Variants in PTPN5 observed in about 807,000 individuals in gnomAD.
The protein encoded by PTPN5 is tyrosine-protein phosphatase non-receptor type 5.
PTPN5 carries 29 observed loss-of-function variants against 73.9 expected under a neutral mutation model. The ratio of observed to expected loss-of-function variants is 0.39; its 90% confidence interval spans 0.29 to 0.54. PTPN5 has a LOEUF of 0.54. Ranked by LOEUF, PTPN5 falls within the 20% of genes least tolerant of loss-of-function variation. The probability of loss-of-function intolerance (pLI) is 0.65; values close to 1 mark genes in which losing one functional copy is unlikely to be tolerated. For synonymous variants in PTPN5, 267 were observed against 304.7 expected (o/e 0.88, Z 1.29); for missense variants, 652 against 751.4 (o/e 0.87, Z 1.55).
intron 1 of PTPN5, among the ~76,000 whole-genome samples, chr11:18,779,521 G>A (rs899675432): frequency 1.3e-5 from 2 of 152,064 alleles, no homozygotes; most frequent in Admixed American, 6.6e-5. Context: ...AGCTCTTTGA[G>A]ACAACCCCAT....
At chr11:18,737,816 G>T in intron 9 of PTPN5, 64 bp downstream of exon 9, 1 of 1,423,898 alleles carries the variant, frequency 7.0e-7, no homozygotes, top group Non-Finnish European at 9.9e-7. Context: ...GTCCTCCTCA[G>T]GGTGAGGGGA....
chr11:18,782,086 A>G (rs1050286229), intron 1 of PTPN5, among the ~76,000 whole-genome samples: 1 of 152,204 alleles, frequency 6.6e-6, no homozygotes, highest in Non-Finnish European at 1.5e-5. Context: ...TCAGCCTAAG[A>G]CACACTAACT....
intron 3 of PTPN5, among the ~76,000 whole-genome samples, chr11:18,762,878 C>T (rs1168381557): frequency 1.3e-5 from 2 of 152,198 alleles, no homozygotes; most frequent in African/African-American, 4.8e-5. Context: ...AGTCCCTGTT[C>T]TTGACTAGCA....
At chr11:18,777,978 GA>G (rs1851242068) in intron 1 of PTPN5, among the ~76,000 whole-genome samples, 1 of 40,388 alleles carries the variant, frequency 2.5e-5, no homozygotes, top group East Asian at 2.0e-3. Flanking sequence ...AAGGAAGGAA[GA>G]AAGAAAGAAA....
At chr11:18,772,660 C>G (rs1427812852) in intron 1 of PTPN5, among the ~76,000 whole-genome samples, 1 of 152,204 alleles carries the variant, frequency 6.6e-6, no homozygotes, top group East Asian at 1.9e-4. Flanking sequence ...GTAGGCCCAG[C>G]CTGCTGAGGG....
chr11:18,784,004 T>C (rs1414782281), intron 1 of PTPN5, among the ~76,000 whole-genome samples: 1 of 152,142 alleles, frequency 6.6e-6, no homozygotes, highest in Non-Finnish European at 1.5e-5. Context: ...CCAAACAACA[T>C]TTAGTTTTTA....
intron 3 of PTPN5, among the ~76,000 whole-genome samples, chr11:18,759,096 C>T (rs557106326): frequency 9.8e-5 from 15 of 152,316 alleles, no homozygotes; most frequent in African/African-American, 3.4e-4. Context: ...CACTACCCCA[C>T]TCCACTGCTG....
At chr11:18,776,257 T>C (rs1487995798) in intron 1 of PTPN5, among the ~76,000 whole-genome samples, 1 of 152,188 alleles carries the variant, frequency 6.6e-6, no homozygotes, top group African/African-American at 2.4e-5. Flanking sequence ...CTACCTATAA[T>C]GCTTTAGGAT....
chr11:18,777,594 C>G (rs1235666974), intron 1 of PTPN5, among the ~76,000 whole-genome samples: 2 of 152,148 alleles, frequency 1.3e-5, no homozygotes. Flanking sequence ...TGGACCTGAA[C>G]TGCTGTATCA....
intron 12 of PTPN5, among the ~76,000 whole-genome samples, chr11:18,731,734 T>C (rs190826676): frequency 1.8e-3 from 281 of 152,288 alleles, no homozygotes; most frequent in African/African-American, 6.2e-3. Flanking sequence ...ACACCCTACC[T>C]GGCCCCTATT....
intron 1 of PTPN5, among the ~76,000 whole-genome samples, chr11:18,781,121 A>G (rs902195188): frequency 1.3e-5 from 2 of 151,876 alleles, no homozygotes; most frequent in African/African-American, 4.8e-5. Context: ...GCCTTCTGAG[A>G]TTGACTCTGA....
chr11:18,778,331 C>T (rs1851266317), intron 1 of PTPN5, among the ~76,000 whole-genome samples: 1 of 152,346 alleles, frequency 6.6e-6, no homozygotes, highest in Middle Eastern at 3.4e-3. Flanking sequence ...GGCTTGGACA[C>T]TGACCCAACC....
In PTPN5 at chr11:18,791,647, G is replaced by C. The variant is rs955526368; in HGVS notation, c.-236C>G. 1.3e-5 allele frequency: 2 copies of C among 152,044 alleles called. No individual in the cohort carries two copies. Among genetic ancestry groups the C allele is most frequent in the African/African-American group, 4.8e-5 (2 of 41,350 alleles). 9.4% of individuals were successfully genotyped at this position (152,044 alleles called of 1,614,324 possible). On this transcript the variant is annotated 5_prime_UTR_variant, in exon 1 of 15. Transcript: ENST00000358540. ...GTCTGTGCCAGTGTGTATGCGACGG[G>C]GGCCGCGCCGAGCTCTGTGCGTCTG...
intron 12 of PTPN5, among the ~76,000 whole-genome samples, chr11:18,731,178 ATATATTATATATT>A (rs1282836220): frequency 8.1e-5 from 12 of 147,580 alleles, no homozygotes; most frequent in African/African-American, 1.5e-4. Flanking sequence ...TATATATTTT[ATATATTATATATT>A]TATATTATAT....
intron 1 of PTPN5, among the ~76,000 whole-genome samples, chr11:18,775,555 T>C (rs1851108279): frequency 6.6e-6 from 1 of 152,118 alleles, no homozygotes; most frequent in Non-Finnish European, 1.5e-5. Context: ...AAGCAGGCCT[T>C]GGGAGGCTAG....
intron 8 of PTPN5, 158 bp downstream of exon 8, chr11:18,740,445 G>A: frequency 1.8e-6 from 1 of 562,924 alleles, no homozygotes; most frequent in African/African-American, 1.9e-5. Flanking sequence ...GAAGCTCAGA[G>A]GGAAAGCAGC....
In PTPN5 at chr11:18,729,007, C is replaced by T; in HGVS notation, c.1625G>A (p.Cys542Tyr). 1 of 1,613,902 alleles carries T rather than the reference C, an allele frequency of 6.2e-7. No homozygotes were observed. The highest frequency in any genetic ancestry group is 1.1e-5 in the South Asian group (1 of 91,076). The change falls in exon 15 of 15, where the codon TGC becomes TAC. Residue 542 changes from cysteine (C) to tyrosine (Y), a missense_variant. Cys to Tyr is a radical substitution (Grantham distance 194, BLOSUM62 -2). Around this residue, in one of 3 missense-constraint regions of PTPN5, gnomAD observed 102 missense variants for 160.5 expected, o/e 0.64. Transcript: ENST00000358540. The surrounding 1 kb of genome is among the most constrained non-coding windows in gnomAD (Gnocchi z 5.2). ...GTGGTGCACAAACTGGTACTGCTCG[C>T]ATGTCTGGATCATGCCGCCCCTGCC... ...RQDRGGMIQT[C>Y]EQYQFVHHVM...
At chr11:18,751,012 T>C (rs1849862488) in intron 3 of PTPN5, among the ~76,000 whole-genome samples, 1 of 152,092 alleles carries the variant, frequency 6.6e-6, no homozygotes, top group African/African-American at 2.4e-5. Context: ...TCAAAGGAGG[T>C]ACTGCTAGAG....
At chr11:18,743,892 C>T in intron 4 of PTPN5, 114 bp downstream of exon 4, 1 of 1,250,120 alleles carries the variant, frequency 8.0e-7, no homozygotes, top group East Asian at 2.7e-5. Context: ...TGAGGAACAC[C>T]AGGGAGGCCC....
Sources: gnomAD v4.1 joint callset for allele counts (sites outside exome capture counted in the v4.1 genomes callset) on GRCh38, gnomAD v4.1.1 for gene constraint, gnomAD v4.1.1 regional missense constraint, Gnocchi (gnomAD v3.1) non-coding constraint, MANE v1.5 for transcripts, NCBI Gene and HGNC (gene_info 2026-07-23, HGNC 2026-07-21) for gene names.